Variants in HEATR5B observed in about 807,000 individuals in gnomAD.
HEATR5B encodes the protein HEAT repeat containing 5B, also known as HEAT repeat-containing protein 5B.
Under a neutral mutation model 224.1 loss-of-function variants are expected in HEATR5B, and 156 were observed. That is an observed-to-expected ratio of 0.70 (90% CI 0.61 to 0.80). The LOEUF (loss-of-function observed/expected upper bound fraction) is 0.80. Ranked by LOEUF, HEATR5B falls within the 30% of genes least tolerant of loss-of-function variation. HEATR5B has a pLI of 0.00. For synonymous variants in HEATR5B, 1,027 were observed against 893.0 expected, an observed-to-expected ratio of 1.15 and a Z score of -2.68; for missense variants, 2,323 against 2,535.5, an observed-to-expected ratio of 0.92 and a Z score of 1.80.
intron 5 of HEATR5B, among the ~76,000 whole-genome samples, 163 bp from the exon 6 acceptor site, chr2:37,072,444 C>T (rs1486889101): frequency 6.6e-6 from 1 of 152,138 alleles, no homozygotes; most frequent in African/African-American, 2.4e-5. Context: ...AATGAAGCAT[C>T]TTTGAGGAAA....
chr2:37,042,524 T>A (rs777070759), intron 18 of HEATR5B, among the ~76,000 whole-genome samples: 10 of 152,250 alleles, frequency 6.6e-5, no homozygotes, highest in Non-Finnish European at 1.0e-4. Context: ...AAATCACCGA[T>A]GCTTTACGAA....
intron 15 of HEATR5B, 141 bp from the exon 16 acceptor site, chr2:37,056,756 A>G (rs1670937461): frequency 1.5e-6 from 1 of 665,848 alleles, no homozygotes. Flanking sequence ...ATTTGAAAAC[A>G]GACCAAAATG....
intron 33 of HEATR5B, among the ~76,000 whole-genome samples, chr2:36,993,400 G>A (rs754655969): frequency 1.3e-5 from 2 of 152,042 alleles, no homozygotes; most frequent in African/African-American, 2.4e-5. Context: ...AGCCAGGAAC[G>A]GTGGCGGACA....
In HEATR5B at chr2:37,008,683, A is replaced by G. The variant is rs1333650786; in HGVS notation, c.4450T>C (p.Trp1484Arg). ...QPELPTLSRL[W>R]LAALKDYALL... Reference sequence around the variant, plus strand: ...GCATAATCTTTTAATGCTGCTAACCACAGGCGACTGAGTGTTGGTAGTTCA... The same window carrying G: ...GCATAATCTTTTAATGCTGCTAACCGCAGGCGACTGAGTGTTGGTAGTTCA... Residue 1484 changes from tryptophan (W) to arginine (R), a missense_variant, in exon 28 of 36, where the codon TGG becomes CGG. Trp to Arg is a moderately radical substitution (Grantham distance 101). Transcript: ENST00000233099. 1.2e-6 allele frequency: 2 copies of G among 1,614,174 alleles called. No homozygotes were observed. The highest frequency in any genetic ancestry group is 2.2e-5 in the East Asian group (1 of 44,874).
In HEATR5B at chr2:37,040,537, T is replaced by TAAGGAACTA; in HGVS notation, c.2857-20_2857-19insTAGTTCCTT. ...ACCAAGTCTAGAATAAAATATAATTTCATTTTAGTTGTAAGGAAGAATTCG... is the reference window on the plus strand; with the variant it reads ...ACCAAGTCTAGAATAAAATATAATTTAAGGAACTACATTTTAGTTGTAAGGAAGAATTCG... On this transcript the variant is annotated intron_variant, in intron 19 of 35. Transcript: ENST00000233099. 6.4e-7 allele frequency: 1 copy of TAAGGAACTA among 1,571,454 alleles called. No individual in the cohort carries two copies. Among genetic ancestry groups the TAAGGAACTA allele is most frequent in the Non-Finnish European group, 8.7e-7 (1 of 1,151,854 alleles).
intron 33 of HEATR5B, among the ~76,000 whole-genome samples, chr2:36,995,002 G>A (rs971839378): frequency 4.6e-5 from 7 of 151,764 alleles, no homozygotes; most frequent in East Asian, 1.9e-4. Context: ...TGTCCACCTC[G>A]GCCTCCCAAA....
chr2:37,083,418 G>A lies in HEATR5B; in HGVS notation c.-4C>T, dbSNP rs1672741745. The A allele has an allele frequency of 8.1e-6, 13 of 1,609,100 alleles. No individual in the cohort carries two copies. Among genetic ancestry groups the A allele is most frequent in the Non-Finnish European group, 1.1e-5 (13 of 1,177,932 alleles). ...ATAAACTGTGGGCTAACTCCATTACGGAAGTTTGAAATTCACACCTTAAAT... is the reference window on the plus strand; with the variant it reads ...ATAAACTGTGGGCTAACTCCATTACAGAAGTTTGAAATTCACACCTTAAAT... On this transcript the variant is annotated 5_prime_UTR_variant, in exon 2 of 36. Coordinates refer to ENST00000233099, the MANE Select transcript of HEATR5B (RefSeq NM_019024.3).
At chr2:37,020,903 T>C (rs1460792080) in intron 24 of HEATR5B, 67 bp from the exon 25 acceptor site, 3 of 870,972 alleles carry the variant, frequency 3.4e-6, no homozygotes, top group South Asian at 4.4e-5. Context: ...CATAAAAATA[T>C]GAAATGAAAT....
At chr2:37,059,192 A>C (rs1187403785) in intron 12 of HEATR5B, among the ~76,000 whole-genome samples, 2 of 151,694 alleles carry the variant, frequency 1.3e-5, no homozygotes, top group Admixed American at 1.3e-4. Context: ...GGATAGAAAA[A>C]TGGAGGAAGA....
In HEATR5B at chr2:36,987,484, T is replaced by C. The variant is rs888514947; in HGVS notation, c.5911+1162A>G. Among the ~76,000 whole-genome samples the C allele has an allele frequency of 4.2e-4, 63 of 151,666 alleles. 1 individual carries two copies. The highest frequency in any genetic ancestry group is 1.5e-3 in the African/African-American group (63 of 41,336). ...TTAAAAACAGCTTAATGTTCAATCA[T>C]AAGATACTAGTTTAAAAAGTACAGT... is the stretch of plus-strand genomic sequence containing the variant. On this transcript the variant is annotated intron_variant, in intron 35 of 35. Coordinates refer to ENST00000233099, the MANE Select transcript of HEATR5B (RefSeq NM_019024.3).
rs770353242 is a variant in HEATR5B, at chr2:37,008,828, A to G, written c.4305T>C (p.Asn1435=). Residue 1435 remains asparagine, a synonymous_variant, in exon 28 of 36, where the codon AAT becomes AAC. Coordinates refer to ENST00000233099, the MANE Select transcript of HEATR5B (RefSeq NM_019024.3). ...AWAEVYVVAM[N]IKKEAESKPK... ...GTTTTGACTCTGCTTCCTTTTTAATATTCATAGCGACCACATATACCTAAT... is the reference window on the plus strand; with the variant it reads ...GTTTTGACTCTGCTTCCTTTTTAATGTTCATAGCGACCACATATACCTAAT... The G allele has an allele frequency of 4.3e-6, 7 of 1,610,318 alleles. No individual in the cohort carries two copies. In the South Asian group the frequency reaches 4.4e-5, roughly 10 times the overall value.
intron 15 of HEATR5B, 78 bp from the exon 16 acceptor site, chr2:37,056,693 C>T: frequency 1.6e-6 from 2 of 1,217,056 alleles, no homozygotes; most frequent in Non-Finnish European, 1.1e-6. Flanking sequence ...ATGAGGATTA[C>T]AGCAGAGGAG....
intron 20 of HEATR5B, among the ~76,000 whole-genome samples, chr2:37,038,907 T>TCG (rs1482152294): frequency 1.5e-5 from 1 of 66,350 alleles, no homozygotes; most frequent in Non-Finnish European, 3.1e-5. Flanking sequence ...CTCCCTGGGG[T>TCG]GGGGGGGGTG....
chr2:36,992,531 C>T (rs1445884718), intron 33 of HEATR5B, among the ~76,000 whole-genome samples: 8 of 147,468 alleles, frequency 5.4e-5, no homozygotes, highest in African/African-American at 1.2e-4. Context: ...CAGTGAGCTG[C>T]GTTCATGCCA....
Position 37,058,537 on chromosome 2 carries a change from T to G in HEATR5B, c.1973A>C (p.His658Pro). 1.2e-6 allele frequency: 2 copies of G among 1,611,268 alleles called. No homozygotes were observed. Among genetic ancestry groups the G allele is most frequent in the Non-Finnish European group, 1.7e-6 (2 of 1,177,444 alleles). The change falls in exon 14 of 36, where the codon CAT becomes CCT. Residue 658 changes from histidine (H) to proline (P), a missense_variant. This residue lies in a region of HEATR5B where 502 missense variants were observed against 517.8 expected (regional missense o/e 0.97). Coordinates refer to ENST00000233099, the MANE Select transcript of HEATR5B (RefSeq NM_019024.3). ...MSHIPSVMKAHGAHLKASAAM... is the reference protein window; with the variant it reads ...MSHIPSVMKAPGAHLKASAAM... ...AGCACTAGCTTTCAGATGAGCTCCA[T>G]GGGCTTTCATTACAGATGGAATGCT...
At chr2:36,988,336 C>T (rs1666085711) in intron 35 of HEATR5B, among the ~76,000 whole-genome samples, 1 of 151,620 alleles carries the variant, frequency 6.6e-6, no homozygotes, top group East Asian at 2.0e-4. Context: ...GATCTCGGCT[C>T]ACTGCAACCT....
chr2:37,037,246 A>G (rs1309111545), intron 21 of HEATR5B, among the ~76,000 whole-genome samples: 2 of 149,402 alleles, frequency 1.3e-5, no homozygotes, highest in African/African-American at 4.9e-5. Flanking sequence ...CCTGGGTTCA[A>G]GCGATTCTCC....
rs149708371 is a variant in HEATR5B, at chr2:37,053,811, A to G, written c.2400-204T>C. Among the ~76,000 whole-genome samples, 8 of 152,200 alleles carry G rather than the reference A, an allele frequency of 5.3e-5. No homozygotes were observed. In the East Asian group the frequency reaches 1.4e-3, roughly 26 times the overall value. The stretch of plus-strand genomic sequence containing the variant: ...ACATGCGGTTATTAAATGGAACAAG[A>G]AAAGAGTTTCAATTAACAAAATAAG... On this transcript the variant is annotated intron_variant, in intron 16 of 35. Transcript: ENST00000233099.
At chr2:37,004,127 C>T (rs959561064) in intron 30 of HEATR5B, among the ~76,000 whole-genome samples, 1 of 152,090 alleles carries the variant, frequency 6.6e-6, no homozygotes, top group Non-Finnish European at 1.5e-5. Flanking sequence ...TTGCCACCCA[C>T]TTTAAGCTTC....
Sources: allele counts gnomAD v4.1 joint callset (sites outside exome capture counted in the v4.1 genomes callset), GRCh38; gene constraint gnomAD v4.1.1; regional missense constraint gnomAD v4.1.1; transcripts MANE v1.5; gene names NCBI Gene and HGNC (gene_info 2026-07-23, HGNC 2026-07-21).